Variants in DNM2 observed in about 807,000 individuals in gnomAD.
DNM2 encodes the protein dynamin 2.
A neutral mutation model predicts 99.0 loss-of-function variants in DNM2; 15 were observed. That is an observed-to-expected ratio of 0.15 (90% CI 0.10 to 0.23). DNM2 has a LOEUF of 0.23. Ranked by LOEUF, DNM2 falls within the 10% of genes least tolerant of loss-of-function variation. DNM2 has a pLI of 1.00. For synonymous variants in DNM2, 525 were observed against 481.2 expected (o/e 1.09, Z -1.19); for missense variants, 742 against 1,189.4 (o/e 0.62, Z 5.53).
intron 1 of DNM2, among the ~76,000 whole-genome samples, chr19:10,730,320 T>C (rs1483899472): frequency 6.6e-6 from 1 of 152,016 alleles, no homozygotes; most frequent in Non-Finnish European, 1.5e-5. Context: ...CTACCAAAAA[T>C]ACAAAAATTA....
At chr19:10,729,114 G>A (rs943130334) in intron 1 of DNM2, among the ~76,000 whole-genome samples, 9 of 103,894 alleles carry the variant, frequency 8.7e-5, no homozygotes, top group Non-Finnish European at 1.1e-4. Context: ...GCAGTGAGCC[G>A]AGATCGCACC....
intron 1 of DNM2, among the ~76,000 whole-genome samples, chr19:10,748,845 G>A (rs1165594127): frequency 6.6e-6 from 1 of 152,224 alleles, no homozygotes; most frequent in East Asian, 1.9e-4. Flanking sequence ...GTTAGAGACA[G>A]CCTGTTGGGT....
chr19:10,803,589 C>T, intron 12 of DNM2: 1 of 982,318 alleles, frequency 1.0e-6, no homozygotes, highest in Non-Finnish European at 1.2e-6. Flanking sequence ...TCCTGTTTTT[C>T]CTTTGACCAC....
At chr19:10,827,029 C>T (rs1356517321) in intron 18 of DNM2, among the ~76,000 whole-genome samples, 1 of 151,942 alleles carries the variant, frequency 6.6e-6, no homozygotes, top group Non-Finnish European at 1.5e-5. Flanking sequence ...GCAGGAGGAT[C>T]ACTCGATCCC....
intron 4 of DNM2, 61 bp from the exon 5 acceptor site, chr19:10,777,057 C>A: frequency 6.3e-7 from 1 of 1,579,364 alleles, no homozygotes; most frequent in Non-Finnish European, 8.7e-7. Flanking sequence ...TGGCTTGCAG[C>A]TGCCAGCTGA....
intron 1 of DNM2, among the ~76,000 whole-genome samples, chr19:10,747,764 G>A (rs1189107547): frequency 3.3e-5 from 5 of 152,156 alleles, no homozygotes; most frequent in African/African-American, 1.2e-4. Flanking sequence ...GGGACAGACT[G>A]CAGCTGGGTG....
intron 7 of DNM2, among the ~76,000 whole-genome samples, chr19:10,787,913 G>C (rs2071619298): frequency 6.7e-6 from 1 of 150,112 alleles, no homozygotes; most frequent in Non-Finnish European, 1.5e-5. Flanking sequence ...TGGGTGATAG[G>C]GCAAGACTCC....
chr19:10,739,042 CCTGTA>C (rs1485413980), intron 1 of DNM2, among the ~76,000 whole-genome samples: 25 of 151,906 alleles, frequency 1.6e-4, no homozygotes, highest in African/African-American at 6.0e-4. Context: ...GTAGCGGGCG[CCTGTA>C]CTGTAGTCCC....
intron 2 of DNM2, among the ~76,000 whole-genome samples, chr19:10,767,829 C>T (rs532871932): frequency 6.6e-6 from 1 of 152,160 alleles, no homozygotes; most frequent in South Asian, 2.1e-4. Context: ...TAGCTTGAAC[C>T]GGGGAGGCAG....
At chr19:10,828,151 T>G (rs2073210032) in intron 18 of DNM2, among the ~76,000 whole-genome samples, 2 of 150,308 alleles carry the variant, frequency 1.3e-5, no homozygotes, top group Admixed American at 6.7e-5. Context: ...TAGCCGGGGG[T>G]TGGGGGGCAC....
intron 1 of DNM2, among the ~76,000 whole-genome samples, chr19:10,756,211 G>T (rs1428731859): frequency 6.6e-6 from 1 of 151,970 alleles, no homozygotes; most frequent in African/African-American, 2.4e-5. Context: ...TGTTTCCCTC[G>T]TTCAGTTCAC....
rs1555709060 is a variant in DNM2, at chr19:10,788,246, A to AG, written c.992+1540_992+1541insG. 3.5e-3 allele frequency among the ~76,000 whole-genome samples: 526 copies of AG among 152,088 alleles called. 2 individuals carry two copies. Among genetic ancestry groups the AG allele is most frequent in the African/African-American group, 0.012 (491 of 41,502 alleles). ...AGACTCCGTCTCAAAAAAAAAAAAAAAAAAAGAAGTTGAGTGTCAGGCGAA... is the reference window on the plus strand; with the variant it reads ...AGACTCCGTCTCAAAAAAAAAAAAAAGAAAAAGAAGTTGAGTGTCAGGCGAA... On this transcript the variant is annotated intron_variant, in intron 7 of 20. Coordinates refer to ENST00000389253, the MANE Select transcript of DNM2 (RefSeq NM_001005361.3).
rs1023969886 is a variant in DNM2, at chr19:10,812,517, G to A, written c.1671+140G>A. On this transcript the variant is annotated intron_variant, in intron 15 of 20. Coordinates refer to ENST00000389253, the MANE Select transcript of DNM2 (RefSeq NM_001005361.3). The surrounding 1 kb of genome is among the most constrained non-coding windows in gnomAD (Gnocchi z 4.0). ...ATTAGGACTGTAACTCGCCGGGCACGGTGGCTCCCGCCTGTAATCCCAGCA... is the reference window on the plus strand; with the variant it reads ...ATTAGGACTGTAACTCGCCGGGCACAGTGGCTCCCGCCTGTAATCCCAGCA... 14 of 642,396 alleles carry A rather than the reference G, an allele frequency of 2.2e-5. 1 individual carries two copies. The highest frequency in any genetic ancestry group is 3.4e-5 in the East Asian group (1 of 29,458). The allele number at this position is 642,396 out of a possible 1,614,324, so 39.8% of individuals were successfully genotyped here. A position where few individuals can be genotyped will look rare whatever the true frequency, so the allele number is the denominator to read the frequency against.
intron 6 of DNM2, 149 bp downstream of exon 6, chr19:10,783,269 C>A: frequency 8.1e-7 from 1 of 1,240,472 alleles, no homozygotes; most frequent in Non-Finnish European, 1.1e-6. Context: ...AGTTTGAGAC[C>A]AGTCTGGGCA....
chr19:10,782,900 C>T lies in DNM2; in HGVS notation c.689-60C>T, dbSNP rs543645725. On this transcript the variant is annotated intron_variant, in intron 5 of 20. Transcript: ENST00000389253. Reference sequence around the variant, plus strand: ...TCTATACTTGAATCTTGCCCATCCCCGTGCCAGGTCCACTTGGCTCACCTA... The same window carrying T: ...TCTATACTTGAATCTTGCCCATCCCTGTGCCAGGTCCACTTGGCTCACCTA... 286 of 1,611,258 alleles carry T rather than the reference C, an allele frequency of 1.8e-4. 2 individuals are homozygous for T. The South Asian group carries it at 2.7e-3, about 15-fold the overall frequency.
Position 10,741,376 on chromosome 19 carries a change from C to T in DNM2, c.162-18362C>T, listed in dbSNP as rs373956586. On this transcript the variant is annotated intron_variant, in intron 1 of 20. Coordinates refer to ENST00000389253, the MANE Select transcript of DNM2 (RefSeq NM_001005361.3). ...CCTCCCGAGTAGCTGGGACCACAGG[C>T]GTGTGCCACACCCGACTAATTTTTG... 1.2e-3 allele frequency among the ~76,000 whole-genome samples: 188 copies of T among 151,698 alleles called. 2 individuals are homozygous for T. The highest frequency in any genetic ancestry group is 4.4e-3 in the African/African-American group (183 of 41,394).
intron 2 of DNM2, among the ~76,000 whole-genome samples, chr19:10,761,824 G>A (rs2070644787): frequency 6.6e-6 from 1 of 152,170 alleles, no homozygotes; most frequent in Non-Finnish European, 1.5e-5. Context: ...TCTCCAGTGA[G>A]AGACAGCAGC....
At chr19:10,782,893 C>T (rs2071426138) in intron 5 of DNM2, 67 bp from the exon 6 acceptor site, 1 of 1,609,094 alleles carries the variant, frequency 6.2e-7, no homozygotes, top group East Asian at 2.2e-5. Flanking sequence ...TGAATCTTGC[C>T]CATCCCCGTG....
At chr19:10,793,918 C>G in intron 8 of DNM2, 63 bp downstream of exon 8, 1 of 1,612,996 alleles carries the variant, frequency 6.2e-7, no homozygotes, top group Non-Finnish European at 8.5e-7. Flanking sequence ...TGGCCTCAAG[C>G]CAGGCCTCCT....
Sources: gnomAD v4.1 joint callset for allele counts (sites outside exome capture counted in the v4.1 genomes callset) on GRCh38, gnomAD v4.1.1 for gene constraint, Gnocchi (gnomAD v3.1) non-coding constraint, MANE v1.5 for transcripts, NCBI Gene and HGNC (gene_info 2026-07-23, HGNC 2026-07-21) for gene names.